Variants in GALNT13 observed in about 807,000 individuals in gnomAD.
The protein encoded by GALNT13 is polypeptide N-acetylgalactosaminyltransferase 13, also known as UDP-GalNAc:polypeptide N-acetylgalactosaminyltransferase 13.
In GALNT13, 28 loss-of-function variants were observed where a neutral mutation model predicts 64.2. That is an observed-to-expected ratio of 0.44 (90% CI 0.32 to 0.60). The LOEUF (loss-of-function observed/expected upper bound fraction) is 0.60. Among genes scored for constraint, GALNT13 ranks in the 20% least tolerant of loss-of-function variants. The pLI is 0.05. For missense variants in GALNT13, 577 were observed against 669.8 expected (o/e 0.86, Z 1.53); for synonymous variants, 214 against 224.6 (o/e 0.95, Z 0.42).
At chr2:154,023,774 A>G (rs1172428168) in intron 3 of GALNT13, among the ~76,000 whole-genome samples, 1 of 152,172 alleles carries the variant, frequency 6.6e-6, no homozygotes, top group Non-Finnish European at 1.5e-5. Flanking sequence ...TAGTTGATGC[A>G]GTTTCTTCCT....
At chr2:154,078,702 A>G (rs776576068) in intron 3 of GALNT13, among the ~76,000 whole-genome samples, 40 of 151,700 alleles carry the variant, frequency 2.6e-4, no homozygotes, top group Non-Finnish European at 4.3e-4. Context: ...TATCTTTCTG[A>G]ACTAAAATAT....
At chr2:154,269,923 T>TATATATAC (rs1459612217) in intron 8 of GALNT13, among the ~76,000 whole-genome samples, 1 of 142,446 alleles carries the variant, frequency 7.0e-6, no homozygotes, top group Non-Finnish European at 1.5e-5. Flanking sequence ...TATATATATA[T>TATATATAC]ATTTCTAAAG....
the GALNT13 span, among the ~76,000 whole-genome samples, chr2:153,770,162 A>AC: frequency 3.4e-4 from 16 of 47,570 alleles, no homozygotes; most frequent in South Asian, 9.6e-4. Flanking sequence ...TAGAGTTCCC[A>AC]CCCCCCCGCC....
chr2:153,172,557 G>A, the GALNT13 span, among the ~76,000 whole-genome samples: 2 of 152,098 alleles, frequency 1.3e-5, no homozygotes, highest in East Asian at 3.9e-4. Context: ...CAAGGTGGAG[G>A]AGAACAGGTC....
chr2:153,846,411 A>C, the GALNT13 span, among the ~76,000 whole-genome samples: 15 of 152,140 alleles, frequency 9.9e-5, no homozygotes, highest in Non-Finnish European at 1.3e-4. Flanking sequence ...ATTCACTAAG[A>C]AATATTGAGC....
chr2:153,297,473 G>C, the GALNT13 span, among the ~76,000 whole-genome samples: 5 of 152,272 alleles, frequency 3.3e-5, no homozygotes, highest in South Asian at 1.0e-3. Context: ...TTTTAACTGT[G>C]TATTCAGCAC....
At chr2:153,348,540 T>C in the GALNT13 span, among the ~76,000 whole-genome samples, 1 of 152,190 alleles carries the variant, frequency 6.6e-6, no homozygotes, top group Non-Finnish European at 1.5e-5. Context: ...TTTTTAACAA[T>C]GTGGCACATT....
At chr2:154,423,424 C>T (rs893719170) in intron 11 of GALNT13, among the ~76,000 whole-genome samples, 1 of 152,056 alleles carries the variant, frequency 6.6e-6, no homozygotes, top group Non-Finnish European at 1.5e-5. Context: ...TGGGTGTATA[C>T]CCAGTAATGG....
chr2:154,251,352 A>T (rs555862031), intron 7 of GALNT13, among the ~76,000 whole-genome samples: 1 of 152,240 alleles, frequency 6.6e-6, no homozygotes, highest in East Asian at 1.9e-4. Flanking sequence ...AGGTCCTAGG[A>T]ATTATTAAAA....
chr2:154,448,746 T>C (rs1701722973), intron 12 of GALNT13, among the ~76,000 whole-genome samples: 1 of 152,032 alleles, frequency 6.6e-6, no homozygotes, highest in African/African-American at 2.4e-5. Context: ...TGAACTAAGG[T>C]AACTGATAAT....
At chr2:154,089,832 T>C (rs2105436339) in intron 3 of GALNT13, among the ~76,000 whole-genome samples, 1 of 150,804 alleles carries the variant, frequency 6.6e-6, no homozygotes, top group Middle Eastern at 3.4e-3. Flanking sequence ...TTTTTTGGTA[T>C]AACCTTCACC....
the GALNT13 span, among the ~76,000 whole-genome samples, chr2:153,316,551 G>T: frequency 1.4e-5 from 2 of 147,530 alleles, no homozygotes; most frequent in Non-Finnish European, 3.0e-5. Context: ...TGAGGCAGGA[G>T]AATTGCTTGA....
the GALNT13 span, among the ~76,000 whole-genome samples, chr2:153,122,859 G>A: frequency 6.6e-6 from 1 of 152,052 alleles, no homozygotes; most frequent in Non-Finnish European, 1.5e-5. Flanking sequence ...CCATAGCTGT[G>A]AATGTGACTT....
At chr2:153,856,289 G>T in the GALNT13 span, among the ~76,000 whole-genome samples, 1 of 152,110 alleles carries the variant, frequency 6.6e-6, no homozygotes. Flanking sequence ...AGGTAGGCAG[G>T]TAAATAGATA....
chr2:153,726,535 A>C, the GALNT13 span, among the ~76,000 whole-genome samples: 1 of 152,222 alleles, frequency 6.6e-6, no homozygotes, highest in African/African-American at 2.4e-5. Context: ...GCTTTCAGAC[A>C]ATGAATGCCT....
chr2:154,377,365 A>G (rs1181679710), intron 9 of GALNT13, among the ~76,000 whole-genome samples: 1 of 152,100 alleles, frequency 6.6e-6, no homozygotes, highest in African/African-American at 2.4e-5. Flanking sequence ...TCATTTTTGC[A>G]ACTGAAAATT....
intron 3 of GALNT13, among the ~76,000 whole-genome samples, chr2:154,105,665 T>G (rs1047406572): frequency 3.9e-5 from 6 of 152,148 alleles, no homozygotes; most frequent in Non-Finnish European, 7.4e-5. Flanking sequence ...ATAATAAACT[T>G]TGACAAAAAT....
At chr2:153,958,033 GT>G (rs1477300474) in intron 3 of GALNT13, among the ~76,000 whole-genome samples, 2 of 152,134 alleles carry the variant, frequency 1.3e-5, no homozygotes, top group East Asian at 3.9e-4. Flanking sequence ...CCTCACTTCC[GT>G]TAGGTATCTC....
the GALNT13 span, among the ~76,000 whole-genome samples, chr2:153,423,270 T>C: frequency 1.3e-5 from 2 of 151,888 alleles, no homozygotes; most frequent in Non-Finnish European, 2.9e-5. Context: ...TTAAAACATA[T>C]GATTATTTCA....
Sources: allele counts gnomAD v4.1 joint callset (sites outside exome capture counted in the v4.1 genomes callset), GRCh38; gene constraint gnomAD v4.1.1; transcripts MANE v1.5; gene names NCBI Gene and HGNC (gene_info 2026-07-23, HGNC 2026-07-21).